INSR: variants seen among roughly 807,000 people sequenced by gnomAD.
INSR encodes the protein IR.
Under a neutral mutation model 142.6 loss-of-function variants are expected in INSR, and 67 were observed. The ratio of observed to expected loss-of-function variants is 0.47; its 90% CI spans 0.39 to 0.58. The LOEUF (loss-of-function observed/expected upper bound fraction) is 0.58, where lower values mean the gene tolerates loss of function less well. INSR is among the 20% of genes least tolerant of loss of function. The pLI is 0.00. For synonymous variants in INSR, 756 were observed against 743.1 expected (o/e 1.02, Z -0.28); for missense variants, 1,248 against 1,833.2 (o/e 0.68, Z 5.83).
At position 7,168,385 on chromosome 19, in the gene INSR, C is replaced by A. The variant is rs1018810465; in HGVS notation, c.1484-291G>T. 1.4e-4 allele frequency among the ~76,000 whole-genome samples: 22 copies of A among 152,240 alleles called. No homozygotes were observed. The highest frequency in any genetic ancestry group is 4.6e-4 in the African/African-American group (19 of 41,552). On this transcript the variant is annotated intron_variant, in intron 6 of 21. Transcript: ENST00000302850. The surrounding 1 kb of genome is among the most constrained non-coding windows in gnomAD (Gnocchi z 4.3). The stretch of plus-strand genomic sequence containing the variant: ...TACCCGCGCAAGAAGGACAACCGGC[C>A]AATAGTTATTGGAGGAAGGGATTTC...
In INSR at chr19:7,168,158, G is replaced by A; in HGVS notation, c.1484-64C>T. ...CAGTGTAGTTTCAGACCAAAGCCTG[G>A]GACCCCCACACTTCCTGGAGGGACC... On this transcript the variant is annotated intron_variant, in intron 6 of 21. Coordinates refer to ENST00000302850, the MANE Select transcript of INSR (RefSeq NM_000208.4). The surrounding 1 kb of genome is among the most constrained non-coding windows in gnomAD (Gnocchi z 4.3). 1 of 1,556,416 alleles carries A rather than the reference G, an allele frequency of 6.4e-7. No individual in the cohort carries two copies. Among genetic ancestry groups the A allele is most frequent in the Non-Finnish European group, 8.8e-7 (1 of 1,130,964 alleles).
At chr19:7,186,343 T>C (rs1314335417) in intron 2 of INSR, among the ~76,000 whole-genome samples, 2 of 152,160 alleles carry the variant, frequency 1.3e-5, no homozygotes, top group Non-Finnish European at 2.9e-5. Flanking sequence ...CATCCATATA[T>C]GAACAGCACC....
At chr19:7,169,762 GTCATCCATTCATCCA>G (rs1973971882) in intron 6 of INSR, among the ~76,000 whole-genome samples, 1 of 152,132 alleles carries the variant, frequency 6.6e-6, no homozygotes, top group Non-Finnish European at 1.5e-5. Flanking sequence ...ATAAGAAGGT[GTCATCCATTCATCCA>G]TCATTCATTC....
chr19:7,263,898 G>A (rs1600107460), intron 2 of INSR, among the ~76,000 whole-genome samples: 1 of 152,148 alleles, frequency 6.6e-6, no homozygotes, highest in Admixed American at 6.6e-5. Flanking sequence ...GGCCAGGCAC[G>A]GTGGCTCACC....
rs539988799 is a variant in INSR at position 7,279,619 on chromosome 19, C to T, written c.101-11723G>A. 1.6e-4 allele frequency among the ~76,000 whole-genome samples: 24 copies of T among 151,462 alleles called. No individual in the cohort carries two copies. The South Asian group carries it at 4.2e-3, about 26-fold the overall frequency. On this transcript the variant is annotated intron_variant, in intron 1 of 21. Coordinates refer to ENST00000302850, the MANE Select transcript of INSR (RefSeq NM_000208.4). ...CATTGGGAAGATGGGGGAACAGGTACGGATGCTGGTGGACGCAGTGACAAC... is the reference window on the plus strand; with the variant it reads ...CATTGGGAAGATGGGGGAACAGGTATGGATGCTGGTGGACGCAGTGACAAC...
At chr19:7,236,198 G>A (rs1976154516) in intron 2 of INSR, among the ~76,000 whole-genome samples, 1 of 151,946 alleles carries the variant, frequency 6.6e-6, no homozygotes, top group Non-Finnish European at 1.5e-5. Context: ...CTGACCTCAA[G>A]TGATCCACCC....
intron 13 of INSR, among the ~76,000 whole-genome samples, chr19:7,139,599 T>A (rs1335074547): frequency 6.6e-6 from 1 of 152,140 alleles, no homozygotes; most frequent in Non-Finnish European, 1.5e-5. Context: ...GATAAGGAAT[T>A]TTATTTTAAA....
At position 7,229,300 on chromosome 19, in the gene INSR, TGATGGATG is replaced by T. The variant is rs369695616; in HGVS notation, c.652+38037_652+38044del. Among the ~76,000 whole-genome samples the T allele has an allele frequency of 3.1e-3, 382 of 124,394 alleles. 3 individuals carry two copies. The highest frequency in any genetic ancestry group is 0.012 in the African/African-American group (342 of 29,068). 81.6% of individuals were successfully genotyped at this position (124,394 alleles called of 152,430 possible). A position where few individuals can be genotyped will look rare whatever the true frequency, so the allele number is the denominator to read the frequency against. On this transcript the variant is annotated intron_variant, in intron 2 of 21. Coordinates refer to ENST00000302850, the MANE Select transcript of INSR (RefSeq NM_000208.4). Reference sequence around the variant, plus strand: ...GCAGATGAGCAAGTGGATGGAGGGATGATGGATGGATGGATGGATGGATGGATGGATAG... The same window carrying T: ...GCAGATGAGCAAGTGGATGGAGGGATGATGGATGGATGGATGGATGGATAG...
In INSR at chr19:7,175,782, C is replaced by A. The variant is rs189826856; in HGVS notation, c.975-1051G>T. ...CCTGGGAGGCAGAGGTTGCAGTGAG[C>A]CGAGATAGCACCACTGCACTCCAGC... On this transcript the variant is annotated intron_variant, in intron 3 of 21. Coordinates refer to ENST00000302850, the MANE Select transcript of INSR (RefSeq NM_000208.4). Among the ~76,000 whole-genome samples, 174 of 151,888 alleles carry A rather than the reference C, an allele frequency of 1.1e-3. 1 individual carries two copies. The South Asian group carries it at 0.022, about 19-fold the overall frequency.
rs1967792322 is a variant in INSR at position 7,267,973 on chromosome 19, G to A, written c.101-77C>T. On this transcript the variant is annotated intron_variant, in intron 1 of 21. Coordinates refer to ENST00000302850, the MANE Select transcript of INSR (RefSeq NM_000208.4). The surrounding 1 kb of genome is among the most constrained non-coding windows in gnomAD (Gnocchi z 6.3). ...ATGCATCAGAAGGATCAGGGGCAGAGCCGGCTTCATGGACAGGAAACCTGG... is the reference window on the plus strand; with the variant it reads ...ATGCATCAGAAGGATCAGGGGCAGAACCGGCTTCATGGACAGGAAACCTGG... The A allele has an allele frequency of 7.8e-7, 1 of 1,281,806 alleles. No individual in the cohort carries two copies. 79.4% of individuals were successfully genotyped at this position (1,281,806 alleles called of 1,614,324 possible).
At chr19:7,289,438 C>T (rs1377429071) in intron 1 of INSR, among the ~76,000 whole-genome samples, 3 of 143,814 alleles carry the variant, frequency 2.1e-5, no homozygotes, top group African/African-American at 7.6e-5. Context: ...CAGAGTCTCT[C>T]TCTGTTGCCC....
chr19:7,158,506 A>C (rs979234967), intron 9 of INSR, among the ~76,000 whole-genome samples: 6 of 152,176 alleles, frequency 3.9e-5, no homozygotes, highest in Non-Finnish European at 8.8e-5. Context: ...GTCTCAAAAA[A>C]ATAAAAAGAA....
rs147400519 is a variant in INSR at position 7,251,664 on chromosome 19, G to A, written c.652+15681C>T. On this transcript the variant is annotated intron_variant, in intron 2 of 21. Coordinates refer to ENST00000302850, the MANE Select transcript of INSR (RefSeq NM_000208.4). ...AAGGAAGTGATGTCTACAAAAGACA[G>A]GACAGTGACTACTCTGGGGGAAGAG... Among the ~76,000 whole-genome samples the A allele has an allele frequency of 4.9e-4, 75 of 152,146 alleles. No individual in the cohort carries two copies. The East Asian group carries it at 0.011, about 23-fold the overall frequency.
intron 13 of INSR, among the ~76,000 whole-genome samples, chr19:7,137,991 T>C (rs1972979637): frequency 7.0e-6 from 1 of 142,316 alleles, no homozygotes; most frequent in Non-Finnish European, 1.5e-5. Flanking sequence ...TGAGATGGAG[T>C]CTCACTCTGT....
At chr19:7,211,185 GC>G (rs766357873) in intron 2 of INSR, among the ~76,000 whole-genome samples, 4 of 152,072 alleles carry the variant, frequency 2.6e-5, no homozygotes, top group Non-Finnish European at 4.4e-5. Flanking sequence ...TCCCACCTCA[GC>G]CTCCCATGTA....
rs3745551 is a variant in INSR at position 7,114,277 on chromosome 19, C to T, written c.*2779G>A. ...TCCATGGAACAGGTGGGAATGCTTG[C>T]TCTGAATCAAAGCCCGTCTTTGCCC... On this transcript the variant is annotated 3_prime_UTR_variant, in exon 22 of 22. Coordinates refer to ENST00000302850, the MANE Select transcript of INSR (RefSeq NM_000208.4). 0.68 allele frequency: 102,631 copies of T among 152,046 alleles called. 34,940 individuals are homozygous for T. Among genetic ancestry groups the T allele is most frequent in the East Asian group, 0.79 (4,073 of 5,170 alleles). The allele number at this position is 152,046 out of a possible 1,614,324, so 9.4% of individuals were successfully genotyped here.
At chr19:7,231,303 T>G (rs2010975) in intron 2 of INSR, among the ~76,000 whole-genome samples, 1,930 of 109,874 alleles carry the variant, frequency 0.018, 44 homozygotes, top group African/African-American at 0.053. Flanking sequence ...TTGTTTTTTT[T>G]TTTTTTTTTT....
intron 2 of INSR, among the ~76,000 whole-genome samples, chr19:7,185,840 T>TAAAAAAAAAAA (rs1491513652): frequency 1.7e-4 from 1 of 6,022 alleles, no homozygotes; most frequent in Non-Finnish European, 4.1e-4. Context: ...CAAAATTCTG[T>TAAAAAAAAAAA]CAAAAAAAAA....
chr19:7,238,806 C>A (rs1354990751), intron 2 of INSR, among the ~76,000 whole-genome samples: 1 of 151,556 alleles, frequency 6.6e-6, no homozygotes, highest in Non-Finnish European at 1.5e-5. Context: ...TCTCAATGGG[C>A]CCCATGCTTC....
Sources: allele counts gnomAD v4.1 joint callset (sites outside exome capture counted in the v4.1 genomes callset), GRCh38; gene constraint gnomAD v4.1.1; non-coding constraint Gnocchi (gnomAD v3.1); transcripts MANE v1.5; gene names NCBI Gene and HGNC (gene_info 2026-07-23, HGNC 2026-07-21).